The following ALK variants were observed in gnomAD, a reference collection of about 807,000 sequenced individuals.
ALK encodes ALK tyrosine kinase receptor.
ALK carries 74 observed loss-of-function variants against 163.1 expected under a neutral mutation model. That is an observed-to-expected ratio of 0.45 (90% CI 0.38 to 0.55). ALK has a LOEUF of 0.55. Among genes scored for constraint, ALK ranks in the 20% least tolerant of loss-of-function variants. ALK has a pLI of 0.00. For missense variants in ALK, 2,063 were observed against 2,105.3 expected, an observed-to-expected ratio of 0.98 and a Z score of 0.39; for synonymous variants, 960 against 843.2, an observed-to-expected ratio of 1.14 and a Z score of -2.40.
At chr2:29,879,070 G>A (rs1379615607) in intron 1 of ALK, among the ~76,000 whole-genome samples, 1 of 152,116 alleles carries the variant, frequency 6.6e-6, no homozygotes, top group East Asian at 1.9e-4. Flanking sequence ...TGACTCCAAA[G>A]ACACAAGATC....
chr2:29,506,653 G>A (rs1289431202), intron 4 of ALK, among the ~76,000 whole-genome samples: 1 of 152,086 alleles, frequency 6.6e-6, no homozygotes, highest in Non-Finnish European at 1.5e-5. Context: ...GGCTGAGGCA[G>A]GAGAATGGTG....
intron 1 of ALK, among the ~76,000 whole-genome samples, chr2:29,869,861 A>T (rs1354157740): frequency 6.6e-6 from 1 of 152,194 alleles, no homozygotes; most frequent in Non-Finnish European, 1.5e-5. Context: ...CAAAACAAAA[A>T]CATTAAGATC....
intron 1 of ALK, among the ~76,000 whole-genome samples, chr2:29,769,229 G>T (rs1680949153): frequency 1.3e-5 from 2 of 152,148 alleles, no homozygotes; most frequent in South Asian, 4.1e-4. Context: ...TATTAAAGAA[G>T]GCAAAGAAGT....
At chr2:29,608,079 T>G (rs1675590212) in intron 3 of ALK, among the ~76,000 whole-genome samples, 3 of 152,198 alleles carry the variant, frequency 2.0e-5, no homozygotes, top group Admixed American at 1.3e-4. Context: ...TCCATGTGGC[T>G]TACTTCTTTC....
chr2:29,590,645 TCCC>T (rs1468312362), intron 3 of ALK, among the ~76,000 whole-genome samples: 1 of 151,982 alleles, frequency 6.6e-6, no homozygotes, highest in African/African-American at 2.4e-5. Context: ...TTAGCCAGAA[TCCC>T]CCCATTACCC....
intron 8 of ALK, among the ~76,000 whole-genome samples, chr2:29,317,759 C>A (rs1328665491): frequency 6.6e-6 from 1 of 152,134 alleles, no homozygotes; most frequent in African/African-American, 2.4e-5. Flanking sequence ...GTCTTAAGTA[C>A]ATTTCTTGGC....
chr2:29,720,515 G>C (rs1304384302), intron 1 of ALK, among the ~76,000 whole-genome samples: 3 of 152,162 alleles, frequency 2.0e-5, no homozygotes, highest in African/African-American at 7.2e-5. Flanking sequence ...TGAGGCTAGG[G>C]AGCTAATGTG....
chr2:29,356,173 G>A (rs553664778), intron 5 of ALK, among the ~76,000 whole-genome samples: 6 of 152,258 alleles, frequency 3.9e-5, no homozygotes, highest in South Asian at 4.2e-4. Context: ...TGTCTGTTCC[G>A]CAGAGCAATA....
At chr2:29,787,172 T>C (rs1664057478) in intron 1 of ALK, among the ~76,000 whole-genome samples, 1 of 152,280 alleles carries the variant, frequency 6.6e-6, no homozygotes, top group East Asian at 1.9e-4. Context: ...TTCATACATG[T>C]TTCACATCAG....
chr2:29,625,759 A>G (rs547283964), intron 3 of ALK, among the ~76,000 whole-genome samples: 5 of 152,288 alleles, frequency 3.3e-5, no homozygotes, highest in African/African-American at 1.2e-4. Flanking sequence ...TTACTTATCC[A>G]GCTAACCTCT....
chr2:29,572,698 T>C (rs1015967527), intron 3 of ALK, among the ~76,000 whole-genome samples: 1 of 152,220 alleles, frequency 6.6e-6, no homozygotes, highest in African/African-American at 2.4e-5. Flanking sequence ...GGACCATGCC[T>C]GCCTGTTCTT....
chr2:29,660,698 T>G, intron 3 of ALK, among the ~76,000 whole-genome samples: 1 of 150,726 alleles, frequency 6.6e-6, no homozygotes, highest in South Asian at 2.1e-4. Context: ...AAAGGGGTGG[T>G]CAGAAGAGTG....
intron 13 of ALK, among the ~76,000 whole-genome samples, chr2:29,235,858 T>C (rs1217433186): frequency 8.8e-5 from 6 of 68,048 alleles, no homozygotes; most frequent in African/African-American, 1.3e-4. Context: ...AGGCTCGACT[T>C]TTTTTTTTTT....
At chr2:29,897,546 G>A (rs1667302409) in intron 1 of ALK, among the ~76,000 whole-genome samples, 1 of 152,130 alleles carries the variant, frequency 6.6e-6, no homozygotes, top group Admixed American at 6.5e-5. Context: ...TCTCTTGGGA[G>A]GCTTTTCAGC....
chr2:29,589,859 G>C (rs1674997342), intron 3 of ALK, among the ~76,000 whole-genome samples: 1 of 152,194 alleles, frequency 6.6e-6, no homozygotes, highest in South Asian at 2.1e-4. Flanking sequence ...CAAGGGAGTG[G>C]GTATCCCTGT....
intron 11 of ALK, among the ~76,000 whole-genome samples, chr2:29,270,267 C>T (rs746891728): frequency 7.9e-5 from 12 of 152,310 alleles, no homozygotes; most frequent in Non-Finnish European, 1.3e-4. Flanking sequence ...TTTTAAGAAA[C>T]ATGATCATTT....
At chr2:29,316,704 A>T (rs1012909535) in intron 8 of ALK, among the ~76,000 whole-genome samples, 1 of 152,224 alleles carries the variant, frequency 6.6e-6, no homozygotes, top group East Asian at 1.9e-4. Context: ...GACACCTGAG[A>T]AATATCAGCA....
At chr2:29,703,416 G>A (rs1292189147) in intron 2 of ALK, among the ~76,000 whole-genome samples, 1 of 152,180 alleles carries the variant, frequency 6.6e-6, no homozygotes. Context: ...CACAAGACTT[G>A]AGATTTGACT....
chr2:29,683,705 C>G (rs1416454409), intron 3 of ALK, among the ~76,000 whole-genome samples: 2 of 152,138 alleles, frequency 1.3e-5, no homozygotes, highest in Non-Finnish European at 2.9e-5. Flanking sequence ...GTTTAACCCA[C>G]CCCCCATTCC....
Sources: allele counts gnomAD v4.1 joint callset (sites outside exome capture counted in the v4.1 genomes callset), GRCh38; gene constraint gnomAD v4.1.1; transcripts MANE v1.5; gene names NCBI Gene and HGNC (gene_info 2026-07-23, HGNC 2026-07-21).